Variants in HERC2 observed in about 807,000 individuals in gnomAD.
HERC2 encodes E3 ubiquitin-protein ligase HERC2.
In HERC2, 102 loss-of-function variants were observed where a neutral mutation model predicts 537.7. The ratio of observed to expected loss-of-function variants is 0.19; its 90% CI spans 0.16 to 0.22. The LOEUF (loss-of-function observed/expected upper bound fraction) is 0.22, where lower values mean the gene tolerates loss of function less well. Ranked by LOEUF, HERC2 falls within the 10% of genes least tolerant of loss-of-function variation. The pLI, the probability that HERC2 is intolerant of heterozygous loss-of-function variation, is 1.00. For missense variants in HERC2, 4,236 were observed against 6,198.2 expected, an observed-to-expected ratio of 0.68 and a Z score of 10.63; for synonymous variants, 2,224 against 2,466.2, an observed-to-expected ratio of 0.90 and a Z score of 2.91.
At chr15:28,264,105 C>T (rs2075495466) in intron 14 of HERC2, among the ~76,000 whole-genome samples, 1 of 149,520 alleles carries the variant, frequency 6.7e-6, no homozygotes, top group African/African-American at 2.5e-5. Context: ...GAAAAAGAAA[C>T]CAGAGAAGAT....
chr15:28,148,724 T>C (rs1407059984), intron 70 of HERC2, among the ~76,000 whole-genome samples: 4 of 121,778 alleles, frequency 3.3e-5, no homozygotes, highest in African/African-American at 6.5e-5. Flanking sequence ...CGAGAACGGC[T>C]GCATGAACGC....
intron 52 of HERC2, among the ~76,000 whole-genome samples, chr15:28,193,106 C>A (rs1420090409): frequency 1.3e-5 from 2 of 152,068 alleles, no homozygotes; most frequent in Non-Finnish European, 2.9e-5. Context: ...CAAGAAATAA[C>A]TTTTTAAATA....
At chr15:28,273,238 G>A (rs967990259) in intron 7 of HERC2, 2 of 574,982 alleles carry the variant, frequency 3.5e-6, no homozygotes, top group African/African-American at 3.8e-5. Context: ...TATTACAGTA[G>A]ATGACATACT....
intron 55 of HERC2, among the ~76,000 whole-genome samples, chr15:28,189,747 G>A (rs1483014250): frequency 6.6e-6 from 1 of 152,082 alleles, no homozygotes; most frequent in East Asian, 1.9e-4. Flanking sequence ...ATTCCACAAA[G>A]TATACATGTA....
chr15:28,186,942 A>G (rs1282491327), intron 55 of HERC2, among the ~76,000 whole-genome samples, 190 bp from the exon 56 acceptor site: 1 of 152,232 alleles, frequency 6.6e-6, no homozygotes, highest in Non-Finnish European at 1.5e-5. Context: ...CTTCAAAAGA[A>G]GTGGTCAACT....
At chr15:28,215,176 C>A (rs1280292212) in intron 39 of HERC2, among the ~76,000 whole-genome samples, 1 of 152,128 alleles carries the variant, frequency 6.6e-6, no homozygotes, top group Non-Finnish European at 1.5e-5. Context: ...TGCGCCCGGC[C>A]TCTCTTTATT....
chr15:28,167,902 C>T, intron 67 of HERC2, 75 bp from the exon 68 acceptor site: 1 of 1,476,436 alleles, frequency 6.8e-7, no homozygotes, highest in South Asian at 1.3e-5. Context: ...TATGCAAGTC[C>T]CAAATGCTTT....
Position 28,280,100 on chromosome 15 carries a change from G to A in HERC2, c.510C>T (p.Ser170=), listed in dbSNP as rs747878097. 2.1e-5 allele frequency: 34 copies of A among 1,613,610 alleles called. No homozygotes were observed. Among genetic ancestry groups the A allele is most frequent in the Middle Eastern group, 1.6e-4 (1 of 6,084 alleles). Residue 170 remains serine (S), a synonymous_variant, in exon 5 of 93, where the codon AGC becomes AGT. Coordinates refer to ENST00000261609, the MANE Select transcript of HERC2 (RefSeq NM_004667.6). ...TGTCCACAGGAGGCAGAGAAATACCGCTGCTTTTCCACTTAACTTTGACAT... is the reference window on the plus strand; with the variant it reads ...TGTCCACAGGAGGCAGAGAAATACCACTGCTTTTCCACTTAACTTTGACAT... ...QENVKVKWKS[S]GISLPPVDKK...
rs2525988 is a variant in HERC2 at position 28,229,514 on chromosome 15, T to C, written c.5066A>G (p.Gln1689Arg). 1.2e-6 allele frequency: 2 copies of C among 1,613,962 alleles called. No homozygotes were observed. Among genetic ancestry groups the C allele is most frequent in the Middle Eastern group, 3.3e-4 (2 of 6,048 alleles). ...TTGCCATCCACAAAACATCGCATACTGCACAGATGGAAGTAAGAAATTCTT... is the reference window on the plus strand; with the variant it reads ...TTGCCATCCACAAAACATCGCATACCGCACAGATGGAAGTAAGAAATTCTT... ...ASKNFLLPSV[Q>R]YAMFCGWQRL... Residue 1689 changes from glutamine (Q) to arginine (R), a missense_variant, in exon 33 of 93, where the codon CAG becomes CGG. Physicochemically the swap from Gln to Arg is conservative, Grantham distance 43. Around this residue, in one of 27 missense-constraint regions of HERC2, gnomAD observed 343 missense variants for 417.2 expected, o/e 0.82. Transcript: ENST00000261609.
chr15:28,258,590 G>A (rs1371003126), intron 16 of HERC2, among the ~76,000 whole-genome samples: 5 of 151,986 alleles, frequency 3.3e-5, no homozygotes, highest in African/African-American at 1.2e-4. Context: ...TTAAAGCACT[G>A]CTAAACAGGA....
intron 78 of HERC2, among the ~76,000 whole-genome samples, chr15:28,138,253 G>T (rs1890849050): frequency 1.3e-5 from 2 of 152,154 alleles, no homozygotes; most frequent in South Asian, 4.1e-4. Context: ...AGTGATGAAG[G>T]TGGCTACGCT....
At chr15:28,157,719 G>A (rs1348906915) in intron 69 of HERC2, among the ~76,000 whole-genome samples, 5 of 152,078 alleles carry the variant, frequency 3.3e-5, no homozygotes, top group African/African-American at 1.2e-4. Context: ...TTTTTGAAGG[G>A]TTTTTTGTGT....
chr15:28,115,856 C>T (rs1448733380), intron 88 of HERC2, among the ~76,000 whole-genome samples: 3 of 152,254 alleles, frequency 2.0e-5, no homozygotes, highest in Admixed American at 6.5e-5. Flanking sequence ...CTCCAGGGAG[C>T]TACAGCCCTG....
At chr15:28,292,544 G>A (rs1262397045) in intron 4 of HERC2, among the ~76,000 whole-genome samples, 1 of 152,026 alleles carries the variant, frequency 6.6e-6, no homozygotes, top group Non-Finnish European at 1.5e-5. Context: ...TGCCAGGTGC[G>A]ATGGCTCACA....
At chr15:28,165,448 T>C (rs1213198322) in intron 68 of HERC2, among the ~76,000 whole-genome samples, 2 of 152,120 alleles carry the variant, frequency 1.3e-5, no homozygotes, top group Admixed American at 6.5e-5. Context: ...CAATCAATCA[T>C]ATTGGTGTGA....
intron 78 of HERC2, 31 bp from the exon 79 acceptor site, chr15:28,135,723 G>C (rs1043336133): frequency 2.0e-6 from 3 of 1,517,162 alleles, no homozygotes; most frequent in Non-Finnish European, 2.7e-6. Context: ...AGTAACATCA[G>C]TTTTTAATCT....
chr15:28,231,984 T>A (rs927898660), intron 30 of HERC2, among the ~76,000 whole-genome samples: 5 of 152,004 alleles, frequency 3.3e-5, no homozygotes, highest in African/African-American at 1.2e-4. Flanking sequence ...CGAGGCAGCC[T>A]GTCTCCTGGG....
intron 92 of HERC2, 26 bp from the exon 93 acceptor site, chr15:28,112,061 T>C: frequency 1.9e-6 from 3 of 1,607,828 alleles, no homozygotes; most frequent in Non-Finnish European, 1.7e-6. Context: ...ATGAAGTGAT[T>C]AGAAATTGAG....
chr15:28,294,609 G>A (rs1379391040), intron 3 of HERC2, among the ~76,000 whole-genome samples: 5 of 150,644 alleles, frequency 3.3e-5, no homozygotes, highest in Middle Eastern at 3.4e-3. Context: ...GCGGAAACCC[G>A]ACCCCAGCCT....
Sources: gnomAD v4.1 joint callset for allele counts (sites outside exome capture counted in the v4.1 genomes callset) on GRCh38, gnomAD v4.1.1 for gene constraint, gnomAD v4.1.1 regional missense constraint, MANE v1.5 for transcripts, NCBI Gene and HGNC (gene_info 2026-07-23, HGNC 2026-07-21) for gene names.